RECK: variants seen among roughly 807,000 people sequenced by gnomAD.
RECK encodes reversion-inducing cysteine-rich protein with Kazal motifs.
Under a neutral mutation model 115.1 loss-of-function variants are expected in RECK, and 69 were observed. That is an observed-to-expected ratio of 0.60 (90% CI 0.49 to 0.73). The LOEUF (loss-of-function observed/expected upper bound fraction) is 0.73, where lower values mean the gene tolerates loss of function less well. RECK is among the 30% of genes least tolerant of loss of function. The pLI, the probability that RECK is intolerant of heterozygous loss-of-function variation, is 0.00. For synonymous variants in RECK, 414 were observed against 419.7 expected (o/e 0.99, Z 0.17); for missense variants, 1,047 against 1,203.7 (o/e 0.87, Z 1.93).
Position 36,087,859 on chromosome 9 carries a change from C to T in RECK, c.803C>T (p.Ser268Leu). ...DPLWQCFLESSQSVHPGVTVH... is the reference protein window; with the variant it reads ...DPLWQCFLESLQSVHPGVTVH... ...CTTTGGCAATGTTTTCTTGAAAGCT[C>T]ACAATCTGTTCACCCTGGAGTCACT... The change falls in exon 9 of 21, where the codon TCA (serine) becomes TTA (leucine). Residue 268 changes from serine (S) to leucine (L), a missense_variant. Coordinates refer to ENST00000377966, the MANE Select transcript of RECK (RefSeq NM_021111.3). 6.2e-7 allele frequency: 1 copy of T among 1,613,984 alleles called. No individual in the cohort carries two copies. The highest frequency in any genetic ancestry group is 8.5e-7 in the Non-Finnish European group (1 of 1,179,910).
intron 4 of RECK, among the ~76,000 whole-genome samples, chr9:36,063,526 T>C (rs1407976271): frequency 6.6e-6 from 1 of 151,966 alleles, no homozygotes; most frequent in African/African-American, 2.4e-5. Context: ...TACCCAAGAG[T>C]GAGAATGACT....
chr9:36,049,101 G>C (rs182183003), intron 1 of RECK, among the ~76,000 whole-genome samples: 354 of 152,286 alleles, frequency 2.3e-3, no homozygotes, highest in Middle Eastern at 6.8e-3. Flanking sequence ...GAGCCTCATA[G>C]GGTGAGATCT....
At chr9:36,057,759 T>C (rs970784265) in intron 2 of RECK, among the ~76,000 whole-genome samples, 8 of 152,112 alleles carry the variant, frequency 5.3e-5, no homozygotes, top group African/African-American at 1.9e-4. Flanking sequence ...AAGTGGAGGT[T>C]ACAGTGAGCT....
At chr9:36,039,596 A>G (rs1465335292) in intron 1 of RECK, among the ~76,000 whole-genome samples, 1 of 152,122 alleles carries the variant, frequency 6.6e-6, no homozygotes, top group East Asian at 1.9e-4. Context: ...AAGGGACCCT[A>G]TCCTGCAGTA....
intron 1 of RECK, among the ~76,000 whole-genome samples, chr9:36,037,454 A>T (rs1820711252): frequency 6.6e-6 from 1 of 151,634 alleles, no homozygotes; most frequent in South Asian, 2.1e-4. Context: ...GGGATTTCGG[A>T]TACGCAGCCG....
intron 15 of RECK, among the ~76,000 whole-genome samples, chr9:36,111,958 C>G (rs938123040): frequency 7.8e-6 from 1 of 127,580 alleles, no homozygotes; most frequent in Non-Finnish European, 1.7e-5. Flanking sequence ...TGTCAGAATA[C>G]AAAAAAAAAA....
chr9:36,087,793 T>C lies in RECK; in HGVS notation c.737T>C (p.Leu246Pro). 6.2e-7 allele frequency: 1 copy of C among 1,614,066 alleles called. No individual in the cohort carries two copies. Among genetic ancestry groups the C allele is most frequent in the Non-Finnish European group, 8.5e-7 (1 of 1,179,920 alleles). ...KKTEMEIVDGLIEGCKTQPLP... is the reference protein window; with the variant it reads ...KKTEMEIVDGPIEGCKTQPLP... ...ACGGAAATGGAGATTGTTGATGGTCTCATCGAGGGTTGTAAGACCCAGCCC... is the reference window on the plus strand; with the variant it reads ...ACGGAAATGGAGATTGTTGATGGTCCCATCGAGGGTTGTAAGACCCAGCCC... The change falls in exon 9 of 21, where the codon CTC (leucine) becomes CCC (proline). Residue 246 changes from leucine (L) to proline (P), a missense_variant. Leu to Pro is a moderately conservative substitution (Grantham distance 98). Coordinates refer to ENST00000377966, the MANE Select transcript of RECK (RefSeq NM_021111.3).
At chr9:36,046,839 G>T (rs1821087922) in intron 1 of RECK, among the ~76,000 whole-genome samples, 1 of 152,010 alleles carries the variant, frequency 6.6e-6, no homozygotes, top group Non-Finnish European at 1.5e-5. Flanking sequence ...ATTTAACTTT[G>T]AGGGATACTC....
At chr9:36,092,314 A>G (rs2132639488) in intron 10 of RECK, among the ~76,000 whole-genome samples, 1 of 152,244 alleles carries the variant, frequency 6.6e-6, no homozygotes, top group African/African-American at 2.4e-5. Context: ...ACAAAATATA[A>G]AAGAACAATT....
intron 6 of RECK, chr9:36,066,882 A>G: frequency 2.4e-6 from 3 of 1,252,086 alleles, no homozygotes; most frequent in Non-Finnish European, 2.1e-6. Context: ...TAAGAGAGAC[A>G]AACTGTCCTA....
intron 10 of RECK, among the ~76,000 whole-genome samples, chr9:36,096,303 G>A (rs1374593733): frequency 2.0e-5 from 3 of 151,904 alleles, no homozygotes; most frequent in African/African-American, 4.8e-5. Context: ...TTGGGAGGCC[G>A]AGGTGGGTGG....
At chr9:36,101,323 TGG>T (rs1389577079) in intron 11 of RECK, among the ~76,000 whole-genome samples, 1 of 152,240 alleles carries the variant, frequency 6.6e-6, no homozygotes, top group South Asian at 2.1e-4. Flanking sequence ...GCTGCTATAG[TGG>T]GTGAAACCAA....
chr9:36,067,619 G>GT (rs1352952523), intron 6 of RECK, among the ~76,000 whole-genome samples: 1 of 151,970 alleles, frequency 6.6e-6, no homozygotes, highest in Non-Finnish European at 1.5e-5. Context: ...ATAGAGTCTG[G>GT]TTTTTTTCTT....
chr9:36,115,884 GAA>G (rs1564137222), intron 16 of RECK, among the ~76,000 whole-genome samples: 1 of 151,988 alleles, frequency 6.6e-6, no homozygotes, highest in Non-Finnish European at 1.5e-5. Context: ...TCTTCTTATA[GAA>G]AGTTATGTAA....
At chr9:36,098,680 A>G (rs1232233483) in intron 10 of RECK, among the ~76,000 whole-genome samples, 1 of 152,196 alleles carries the variant, frequency 6.6e-6, no homozygotes, top group Non-Finnish European at 1.5e-5. Context: ...TAATAGCCCA[A>G]AAAATGGGGG....
chr9:36,098,256 C>T (rs2132647506), intron 10 of RECK, among the ~76,000 whole-genome samples: 1 of 152,326 alleles, frequency 6.6e-6, no homozygotes, highest in South Asian at 2.1e-4. Flanking sequence ...TGAGGTAATG[C>T]ATATTTTAAT....
chr9:36,061,505 A>G (rs1010941424), intron 4 of RECK, among the ~76,000 whole-genome samples: 1 of 152,024 alleles, frequency 6.6e-6, no homozygotes, highest in African/African-American at 2.4e-5. Context: ...ATAATTTCAT[A>G]GCCCACATAA....
At chr9:36,048,656 T>C (rs990570219) in intron 1 of RECK, among the ~76,000 whole-genome samples, 1 of 152,190 alleles carries the variant, frequency 6.6e-6, no homozygotes, top group African/African-American at 2.4e-5. Flanking sequence ...TGTCTAGATT[T>C]TGTCCTACTA....
At chr9:36,107,232 G>A (rs1823856464) in intron 13 of RECK, among the ~76,000 whole-genome samples, 1 of 151,700 alleles carries the variant, frequency 6.6e-6, no homozygotes, top group African/African-American at 2.4e-5. Flanking sequence ...CAAATATTCA[G>A]TTTTTCCTTG....
Sources: allele counts gnomAD v4.1 joint callset (sites outside exome capture counted in the v4.1 genomes callset), GRCh38; gene constraint gnomAD v4.1.1; transcripts MANE v1.5; gene names NCBI Gene and HGNC (gene_info 2026-07-23, HGNC 2026-07-21).